COL7A1: variants seen among roughly 807,000 people sequenced by gnomAD.
COL7A1 encodes the protein collagen alpha-1(VII) chain.
Under a neutral mutation model 456.2 loss-of-function variants are expected in COL7A1, and 296 were observed. The observed-to-expected ratio is 0.65, with a 90% CI of 0.59 to 0.71. The LOEUF (loss-of-function observed/expected upper bound fraction) is 0.71, where lower values mean the gene tolerates loss of function less well. COL7A1 is among the 30% of genes least tolerant of loss of function. The probability of loss-of-function intolerance (pLI) is 0.00; values close to 1 mark genes in which losing one functional copy is unlikely to be tolerated. For synonymous variants in COL7A1, 1,464 were observed against 1,525.9 expected (o/e 0.96, Z 0.95); for missense variants, 3,441 against 4,017.2 (o/e 0.86, Z 3.88).
rs911479232 is a variant in COL7A1, at chr3:48,575,322, C to T, written c.6180+17G>A. Reference sequence around the variant, plus strand: ...AACCCCTCTTCCCTCACTCTCCTGGCCAGCCCCCAGCCTCACCCTCTCTCC... The same window carrying T: ...AACCCCTCTTCCCTCACTCTCCTGGTCAGCCCCCAGCCTCACCCTCTCTCC... On this transcript the variant is annotated intron_variant, in intron 74 of 118. Coordinates refer to ENST00000681320, the MANE Select transcript of COL7A1 (RefSeq NM_000094.4). This position sits in a 1 kb window ranked among gnomAD's most constrained non-coding sequence, Gnocchi z 6.3. 3.4e-6 allele frequency: 4 copies of T among 1,174,364 alleles called. No homozygotes were observed. Among genetic ancestry groups the T allele is most frequent in the East Asian group, 4.8e-5 (1 of 20,728 alleles). 72.7% of individuals were successfully genotyped at this position (1,174,364 alleles called of 1,614,324 possible).
chr3:48,582,508 TG>T lies in COL7A1; in HGVS notation c.4568del (p.Pro1523HisfsTer187), dbSNP rs778165989. 13 of 1,613,790 alleles carry T rather than the reference TG, an allele frequency of 8.1e-6. No homozygotes were observed. Among genetic ancestry groups the T allele is most frequent in the Non-Finnish European group, 1.7e-6 (2 of 1,179,990 alleles). ...GRPGAKGPEG[P>X]PGPTGRQGEK... ...CTCCTTGGCGGCCAGTGGGTCCTGG[TG>T]GCCCCTGAATGTAGAGAAAGTGTGA... On this transcript the variant is annotated frameshift_variant, in exon 46 of 119. Transcript: ENST00000681320. LOFTEE classifies it high-confidence loss of function.
Position 48,580,713 on chromosome 3 carries a change from C to T in COL7A1, c.4981-61G>A. The T allele has an allele frequency of 6.3e-7, 1 of 1,589,684 alleles. No homozygotes were observed. The highest frequency in any genetic ancestry group is 1.1e-5 in the South Asian group (1 of 90,344). On this transcript the variant is annotated intron_variant, in intron 54 of 118. Transcript: ENST00000681320. The surrounding 1 kb of genome is among the most constrained non-coding windows in gnomAD (Gnocchi z 4.5). ...AATATTTTGCAGGTGCCCCTATGAC[C>T]CGCTACACTGCCCCAGGTTCCCCAT...
chr3:48,586,310 T>C lies in COL7A1; in HGVS notation c.3550+22A>G, dbSNP rs752705478. ...GGGCCACCCCTATTCCCAGACCCCT[T>C]CCCCATCAGCCTACTCCTTACCAGA... On this transcript the variant is annotated intron_variant, in intron 27 of 118. Transcript: ENST00000681320. This position sits in a 1 kb window ranked among gnomAD's most constrained non-coding sequence, Gnocchi z 5.1. The C allele has an allele frequency of 1.2e-6, 2 of 1,613,780 alleles. No individual in the cohort carries two copies. The highest frequency in any genetic ancestry group is 4.5e-5 in the East Asian group (2 of 44,884).
At position 48,588,311 on chromosome 3, in the gene COL7A1, T is replaced by A. The variant is rs377293388; in HGVS notation, c.2681A>T (p.Gln894Leu). ...RLRWEPVPRAQGFLLHWQPEG... is the reference protein window; with the variant it reads ...RLRWEPVPRALGFLLHWQPEG... ...AGGTTGCCAGTGCAGAAGGAAGCCC[T>A]GCGCTCTGGGCACCGGCTCCCAGCG... The change falls in exon 21 of 119, where the codon CAG becomes CTG. Residue 894 changes from glutamine to leucine, a missense_variant. By Grantham distance (113) the Gln-to-Leu change is moderately radical (BLOSUM62 -2). Coordinates refer to ENST00000681320, the MANE Select transcript of COL7A1 (RefSeq NM_000094.4). The surrounding 1 kb of genome is among the most constrained non-coding windows in gnomAD (Gnocchi z 4.6). The A allele has an allele frequency of 6.2e-7, 1 of 1,612,944 alleles. No individual in the cohort carries two copies.
At position 48,566,563 on chromosome 3, in the gene COL7A1, C is replaced by T. The variant is rs1266365479; in HGVS notation, c.8305G>A (p.Gly2769Arg). 1.2e-6 allele frequency: 2 copies of T among 1,614,172 alleles called. No homozygotes were observed. Among genetic ancestry groups the T allele is most frequent in the South Asian group, 1.1e-5 (1 of 91,080 alleles). Residue 2769 changes from glycine to arginine, a missense_variant and splice_region_variant, in exon 113 of 119, where the codon GGG (glycine) becomes AGG (arginine). Physicochemically the swap from Gly to Arg is moderately radical, Grantham distance 125. This residue lies in a region of COL7A1 where 2,084 missense variants were observed against 2,501.3 expected (regional missense o/e 0.83). Transcript: ENST00000681320. The surrounding 1 kb of genome is among the most constrained non-coding windows in gnomAD (Gnocchi z 5.9). ...CGAGGACCGGCAGGCCCTGGCCGCC[C>T]CTATGTGCAACAGATGGGACCAGGC... ...PGAPGERGEQ[G>R]RPGPAGPRGE... is the part of the protein sequence containing the mutation.
In COL7A1 at chr3:48,576,888, C is replaced by G. The variant is rs2044347722; in HGVS notation, c.5600G>C (p.Arg1867Thr). 14 of 1,613,960 alleles carry G rather than the reference C, an allele frequency of 8.7e-6. No individual in the cohort carries two copies. Among genetic ancestry groups the G allele is most frequent in the African/African-American group, 1.3e-5 (1 of 74,904 alleles). The change falls in exon 67 of 119, where the codon AGA becomes ACA. Residue 1867 changes from arginine (R) to threonine (T), a missense_variant. Physicochemically the swap from Arg to Thr is moderately conservative, Grantham distance 71. Coordinates refer to ENST00000681320, the MANE Select transcript of COL7A1 (RefSeq NM_000094.4). ...GEKGDSGASG[R>T]EGRDGPKGER... ...GCAGAAAACTCCAATACTCACTTCT[C>G]TCCCAGAGGCGCCTGAATCTCCTTT... is the stretch of plus-strand genomic sequence containing the variant.
At position 48,580,796 on chromosome 3, in the gene COL7A1, C is replaced by T; in HGVS notation, c.4980+86G>A. The T allele has an allele frequency of 6.3e-7, 1 of 1,584,832 alleles. No individual in the cohort carries two copies. The highest frequency in any genetic ancestry group is 8.7e-7 in the Non-Finnish European group (1 of 1,154,018). ...CCCCATGCCTCCCTGCAGGGACTCCCATCACCCCTTACCCCCCTCAGCCTT... is the reference window on the plus strand; with the variant it reads ...CCCCATGCCTCCCTGCAGGGACTCCTATCACCCCTTACCCCCCTCAGCCTT... On this transcript the variant is annotated intron_variant, in intron 54 of 118. Coordinates refer to ENST00000681320, the MANE Select transcript of COL7A1 (RefSeq NM_000094.4). This position sits in a 1 kb window ranked among gnomAD's most constrained non-coding sequence, Gnocchi z 4.5.
In COL7A1 at chr3:48,579,730, C is replaced by A. The variant is rs2107700499; in HGVS notation, c.5154+55G>T. 1 of 1,613,896 alleles carries A rather than the reference C, an allele frequency of 6.2e-7. No homozygotes were observed. ...AAGCCAAGCCATGCCCAAGGTAGAA[C>A]CTGCTGGGAGGGGCACTGGGGTCTT... On this transcript the variant is annotated intron_variant, in intron 58 of 118. Transcript: ENST00000681320. The surrounding 1 kb of genome is among the most constrained non-coding windows in gnomAD (Gnocchi z 4.4).
Position 48,594,686 on chromosome 3 carries a change from C to A in COL7A1, c.86-138G>T. On this transcript the variant is annotated intron_variant, in intron 2 of 118. Transcript: ENST00000681320. This position sits in a 1 kb window ranked among gnomAD's most constrained non-coding sequence, Gnocchi z 5.5. ...CAAACCAGGGCCGAATCGGCCTGAG[C>A]CTGAGGGCCTTGGAGGGAGTTGAGC... 1 of 1,073,162 alleles carries A rather than the reference C, an allele frequency of 9.3e-7. No individual in the cohort carries two copies. 66.5% of individuals were successfully genotyped at this position (1,073,162 alleles called of 1,614,324 possible).
Position 48,578,876 on chromosome 3 carries a change from G to A in COL7A1, c.5424+43C>T, listed in dbSNP as rs752716567. ...CTATGATGATCTGGTTGGAGCTTACGCAGCCCCGAGCCCCCTCTGTCCCAG... is the reference window on the plus strand; with the variant it reads ...CTATGATGATCTGGTTGGAGCTTACACAGCCCCGAGCCCCCTCTGTCCCAG... On this transcript the variant is annotated intron_variant, in intron 63 of 118. Transcript: ENST00000681320. This position sits in a 1 kb window ranked among gnomAD's most constrained non-coding sequence, Gnocchi z 4.7. 1.4e-5 allele frequency: 23 copies of A among 1,592,436 alleles called. No homozygotes were observed. The highest frequency in any genetic ancestry group is 2.3e-5 in the East Asian group (1 of 44,428).
At position 48,583,613 on chromosome 3, in the gene COL7A1, A is replaced by G; in HGVS notation, c.4344T>C (p.Gly1448=). 1 of 1,614,022 alleles carries G rather than the reference A, an allele frequency of 6.2e-7. No homozygotes were observed. Among genetic ancestry groups the G allele is most frequent in the Non-Finnish European group, 8.5e-7 (1 of 1,179,994 alleles). Residue 1448 remains glycine (G), a splice_region_variant and synonymous_variant, in exon 41 of 119, where the codon GGT becomes GGC. Coordinates refer to ENST00000681320, the MANE Select transcript of COL7A1 (RefSeq NM_000094.4). This position sits in a 1 kb window ranked among gnomAD's most constrained non-coding sequence, Gnocchi z 5.1. The part of the protein sequence containing the change: ...VGPPGKKGEK[G]DSEDGAPGLP... Reference sequence around the variant, plus strand: ...GGCCTGGAGCTCCATCCTCAGAGTCACCCTGAAGGAGAAACACACGGGTGG... The same window carrying G: ...GGCCTGGAGCTCCATCCTCAGAGTCGCCCTGAAGGAGAAACACACGGGTGG...
At position 48,587,519 on chromosome 3, in the gene COL7A1, C is replaced by A. The variant is rs1257693032; in HGVS notation, c.2893G>T (p.Val965Leu). Residue 965 changes from valine to leucine, a missense_variant, in exon 23 of 119, where the codon GTG becomes TTG. This residue lies in a region of COL7A1 where 444 missense variants were observed against 427.6 expected (regional missense o/e 1.04). Transcript: ENST00000681320. This position sits in a 1 kb window ranked among gnomAD's most constrained non-coding sequence, Gnocchi z 6.1. ...PRVPSIELRV[V>L]DTSIDSVTLA... ...GTCACCGAGTCGATCGAGGTGTCCA[C>A]CACACGTAGTTCAATGCTTGGAACA... 6.2e-7 allele frequency: 1 copy of A among 1,613,394 alleles called. No individual in the cohort carries two copies. Among genetic ancestry groups the A allele is most frequent in the African/African-American group, 1.3e-5 (1 of 74,916 alleles).
In COL7A1 at chr3:48,575,925, G is replaced by T. The variant is rs780319571; in HGVS notation, c.5821-23C>A. ...ATTCTGGGGACAAAGTCTGGGTGAA[G>T]GGCTGCCCATGACAGAGAAGCTCCT... On this transcript the variant is annotated intron_variant, in intron 71 of 118. Coordinates refer to ENST00000681320, the MANE Select transcript of COL7A1 (RefSeq NM_000094.4). This position sits in a 1 kb window ranked among gnomAD's most constrained non-coding sequence, Gnocchi z 6.3. The T allele has an allele frequency of 6.8e-6, 11 of 1,614,152 alleles. No homozygotes were observed. Among genetic ancestry groups the T allele is most frequent in the Non-Finnish European group, 9.3e-6 (11 of 1,180,038 alleles).
Position 48,585,176 on chromosome 3 carries a change from G to A in COL7A1, c.3895-60C>T. Reference sequence around the variant, plus strand: ...CCTCCCCCAAGGCCCCTGGTTTGCTGGAGGGGCCTCACCCCATCAACAAGG... The same window carrying A: ...CCTCCCCCAAGGCCCCTGGTTTGCTAGAGGGGCCTCACCCCATCAACAAGG... On this transcript the variant is annotated intron_variant, in intron 32 of 118. Transcript: ENST00000681320. The surrounding 1 kb of genome is among the most constrained non-coding windows in gnomAD (Gnocchi z 4.5). 1 of 1,548,994 alleles carries A rather than the reference G, an allele frequency of 6.5e-7. No individual in the cohort carries two copies. Among genetic ancestry groups the A allele is most frequent in the Non-Finnish European group, 8.8e-7 (1 of 1,132,356 alleles).
rs751750490 is a variant in COL7A1 at position 48,586,927 on chromosome 3, G to A, written c.3276+45C>T. On this transcript the variant is annotated intron_variant, in intron 25 of 118. Transcript: ENST00000681320. This position sits in a 1 kb window ranked among gnomAD's most constrained non-coding sequence, Gnocchi z 5.1. ...TGGTAACTGGTATGGAGCCTGGGTG[G>A]GGGGCCTCAGGGAGAGGTAGAATCT... 7 of 1,562,420 alleles carry A rather than the reference G, an allele frequency of 4.5e-6. No individual in the cohort carries two copies. Among genetic ancestry groups the A allele is most frequent in the Admixed American group, 3.9e-5 (2 of 51,818 alleles).
Position 48,567,611 on chromosome 3 carries a change from G to C in COL7A1, c.8009C>G (p.Ser2670Trp), listed in dbSNP as rs143975533. The stretch of plus-strand genomic sequence containing the variant: ...CAGGCCCTCCTTGCCAGGGGCCCCC[G>C]ACTGGCCCGGCACACCAGGCTCCCC... Reference protein sequence around the residue: ...EMGEPGVPGQSGAPGKEGLIG... With the variant: ...EMGEPGVPGQWGAPGKEGLIG... Residue 2670 changes from serine (S) to tryptophan (W), a missense_variant, in exon 109 of 119, where the codon TCG becomes TGG. By Grantham distance (177) the Ser-to-Trp change is radical. Coordinates refer to ENST00000681320, the MANE Select transcript of COL7A1 (RefSeq NM_000094.4). This position sits in a 1 kb window ranked among gnomAD's most constrained non-coding sequence, Gnocchi z 4.3. 1 of 1,613,352 alleles carries C rather than the reference G, an allele frequency of 6.2e-7. No homozygotes were observed. Among genetic ancestry groups the C allele is most frequent in the South Asian group, 1.1e-5 (1 of 91,042 alleles).
In COL7A1 at chr3:48,590,470, C is replaced by T. The variant is rs757193272; in HGVS notation, c.1895G>A (p.Ser632Asn). The change falls in exon 15 of 119, where the codon AGC (serine) becomes AAC (asparagine). Residue 632 changes from serine to asparagine, a missense_variant. This residue lies in a region of COL7A1 where 913 missense variants were observed against 1,088.2 expected (regional missense o/e 0.84). Transcript: ENST00000681320. The surrounding 1 kb of genome is among the most constrained non-coding windows in gnomAD (Gnocchi z 4.6). ...PGASGFRISW[S>N]TGSGPESSQT... ...CACCCCACACTGACCACTGCCTGTG[C>T]TCCAGCTAATCCGAAATCCACTGGC... The T allele has an allele frequency of 2.1e-5, 34 of 1,614,056 alleles. No individual in the cohort carries two copies. In the Admixed American group the frequency reaches 5.7e-4, roughly 27 times the overall value.
In COL7A1 at chr3:48,591,496, G is replaced by T. The variant is rs200868430; in HGVS notation, c.1604C>A (p.Thr535Asn). ...GCTGCGCACAATGATGCGGTACTGGGTGGCACCAGGGACTGGGCTCCAGGA... is the reference window on the plus strand; with the variant it reads ...GCTGCGCACAATGATGCGGTACTGGTTGGCACCAGGGACTGGGCTCCAGGA... ...RVSWSPVPGATQYRIIVRSTQ... is the reference protein window; with the variant it reads ...RVSWSPVPGANQYRIIVRSTQ... Residue 535 changes from threonine to asparagine, a missense_variant, in exon 13 of 119, where the codon ACC becomes AAC. Thr to Asn is a moderately conservative substitution (Grantham distance 65). Coordinates refer to ENST00000681320, the MANE Select transcript of COL7A1 (RefSeq NM_000094.4). The surrounding 1 kb of genome is among the most constrained non-coding windows in gnomAD (Gnocchi z 7.0). 8.0e-5 allele frequency: 129 copies of T among 1,614,038 alleles called. No individual in the cohort carries two copies. In the Middle Eastern group the frequency reaches 1.5e-3, roughly 19 times the overall value.
In COL7A1 at chr3:48,568,711, A is replaced by G; in HGVS notation, c.7758+73T>C. On this transcript the variant is annotated intron_variant, in intron 104 of 118. Coordinates refer to ENST00000681320, the MANE Select transcript of COL7A1 (RefSeq NM_000094.4). This position sits in a 1 kb window ranked among gnomAD's most constrained non-coding sequence, Gnocchi z 5.2. ...GCCAGAACCCCCAGCACTTAAGAGG[A>G]CCCCCAGGATATGTGTGTGTGTGAT... 6.6e-7 allele frequency: 1 copy of G among 1,512,270 alleles called. No individual in the cohort carries two copies. The highest frequency in any genetic ancestry group is 9.0e-7 in the Non-Finnish European group (1 of 1,112,804). The allele number at this position is 1,512,270 out of a possible 1,614,324, so 93.7% of individuals were successfully genotyped here.
Sources: gnomAD v4.1 joint callset for allele counts on GRCh38, gnomAD v4.1.1 for gene constraint, gnomAD v4.1.1 regional missense constraint, Gnocchi (gnomAD v3.1) non-coding constraint, MANE v1.5 for transcripts, NCBI Gene and HGNC (gene_info 2026-07-23, HGNC 2026-07-21) for gene names.